TMEM131L: variants seen among roughly 807,000 people sequenced by gnomAD.
The protein encoded by TMEM131L is transmembrane 131 like, also known as transmembrane protein 131-like.
In TMEM131L, 54 loss-of-function variants were observed where a neutral mutation model predicts 192.2. The ratio of observed to expected loss-of-function variants is 0.28; its 90% CI spans 0.23 to 0.35. TMEM131L has a LOEUF of 0.35. TMEM131L is among the 10% of genes least tolerant of loss of function. The probability of loss-of-function intolerance (pLI) is 1.00; values close to 1 mark genes in which losing one functional copy is unlikely to be tolerated. For synonymous variants in TMEM131L, 701 were observed against 704.9 expected (o/e 0.99, Z 0.09); for missense variants, 1,888 against 1,972.9 (o/e 0.96, Z 0.82).
intron 25 of TMEM131L, among the ~76,000 whole-genome samples, chr4:153,609,291 G>C (rs1207831376): frequency 6.6e-6 from 1 of 152,156 alleles, no homozygotes; most frequent in African/African-American, 2.4e-5. Context: ...GGAAGAGAGA[G>C]TGAAGGGGGA....
chr4:153,577,970 C>T (rs1047247624), intron 7 of TMEM131L, among the ~76,000 whole-genome samples: 1 of 152,058 alleles, frequency 6.6e-6, no homozygotes, highest in South Asian at 2.1e-4. Context: ...CAACAAGCTC[C>T]CCTGGGAGAG....
intron 33 of TMEM131L, 84 bp downstream of exon 33, chr4:153,634,364 T>C: frequency 8.9e-7 from 1 of 1,117,558 alleles, no homozygotes. Flanking sequence ...AGAAGAATCC[T>C]TTTAACAGCG....
intron 3 of TMEM131L, among the ~76,000 whole-genome samples, chr4:153,478,995 A>T (rs1228566428): frequency 1.3e-5 from 2 of 152,218 alleles, no homozygotes; most frequent in African/African-American, 4.8e-5. Context: ...CTTGAGAAAT[A>T]ATTTGCCTGT....
At chr4:153,485,260 G>A (rs201312143) in intron 3 of TMEM131L, among the ~76,000 whole-genome samples, 25 of 151,244 alleles carry the variant, frequency 1.7e-4, no homozygotes, top group African/African-American at 4.1e-4. Flanking sequence ...AATTCATTGC[G>A]TTGCCTTCTC....
chr4:153,591,572 T>TCAACCG (rs1731068695), intron 17 of TMEM131L, among the ~76,000 whole-genome samples: 1 of 152,180 alleles, frequency 6.6e-6, no homozygotes, highest in Non-Finnish European at 1.5e-5. Flanking sequence ...CTGTCCATCC[T>TCAACCG]TAGCGTGTTG....
Position 153,468,800 on chromosome 4 carries a change from TCCCTGGGGAGCAAAACTG to T in TMEM131L, c.195+1526_195+1543del, listed in dbSNP as rs1730956998. Among the ~76,000 whole-genome samples, 9 of 152,032 alleles carry T rather than the reference TCCCTGGGGAGCAAAACTG, an allele frequency of 5.9e-5. No homozygotes were observed. The South Asian group carries it at 1.9e-3, about 32-fold the overall frequency. On this transcript the variant is annotated intron_variant, in intron 2 of 34. Coordinates refer to ENST00000409959, the MANE Select transcript of TMEM131L (RefSeq NM_001131007.2). ...AAATGTTTCCAGACATTGCTAGATG[TCCCTGGGGAGCAAAACTG>T]CCCTGGTTGAGAAGCACTGGTGTAT...
chr4:153,470,407 T>C (rs781291437), intron 2 of TMEM131L, among the ~76,000 whole-genome samples: 21 of 152,220 alleles, frequency 1.4e-4, no homozygotes, highest in African/African-American at 2.4e-5. Flanking sequence ...TCAGCACTAT[T>C]GTGTGCTCTA....
chr4:153,600,318 G>A (rs1578838078), intron 21 of TMEM131L, among the ~76,000 whole-genome samples: 3 of 151,066 alleles, frequency 2.0e-5, no homozygotes, highest in Non-Finnish European at 2.9e-5. Flanking sequence ...AGTGAGCTAC[G>A]ATCATGCCAC....
intron 3 of TMEM131L, among the ~76,000 whole-genome samples, chr4:153,518,212 C>G (rs778072160): frequency 1.3e-5 from 2 of 152,154 alleles, no homozygotes; most frequent in African/African-American, 2.4e-5. Flanking sequence ...TCCTTGGAAC[C>G]AAGCATGCTG....
chr4:153,590,429 C>T (rs34076653), intron 16 of TMEM131L, among the ~76,000 whole-genome samples: 40,609 of 152,070 alleles, frequency 0.27, 5,782 homozygotes, highest in Non-Finnish European at 0.33. Context: ...TGAGTTGAGT[C>T]GCTTGGTTTA....
chr4:153,624,123 T>G (rs1219339687), intron 29 of TMEM131L, among the ~76,000 whole-genome samples: 1 of 148,286 alleles, frequency 6.7e-6, no homozygotes, highest in Non-Finnish European at 1.5e-5. Context: ...TTTTTTTAAT[T>G]ATTTATTTTT....
At chr4:153,560,211 A>G (rs1042802488) in intron 7 of TMEM131L, among the ~76,000 whole-genome samples, 3 of 152,090 alleles carry the variant, frequency 2.0e-5, no homozygotes, top group African/African-American at 7.2e-5. Flanking sequence ...TTCATCACCC[A>G]TGGAATGGAA....
intron 7 of TMEM131L, among the ~76,000 whole-genome samples, chr4:153,566,260 C>T (rs1023498121): frequency 3.3e-5 from 5 of 151,914 alleles, no homozygotes; most frequent in African/African-American, 7.3e-5. Flanking sequence ...CTCAGCCTCC[C>T]GAGTAGCTGG....
At chr4:153,505,182 C>G (rs1733906122) in intron 3 of TMEM131L, among the ~76,000 whole-genome samples, 1 of 151,518 alleles carries the variant, frequency 6.6e-6, no homozygotes, top group Non-Finnish European at 1.5e-5. Flanking sequence ...TCTCGGCTCA[C>G]TGCAACCTCT....
intron 3 of TMEM131L, among the ~76,000 whole-genome samples, chr4:153,504,749 A>G (rs1294582143): frequency 2.0e-5 from 3 of 152,224 alleles, no homozygotes; most frequent in East Asian, 1.9e-4. Context: ...GCTTTCACAG[A>G]AAGACTTTTC....
chr4:153,572,360 C>T (rs1263372751), intron 7 of TMEM131L, among the ~76,000 whole-genome samples: 5 of 151,972 alleles, frequency 3.3e-5, no homozygotes, highest in South Asian at 2.1e-4. Context: ...GACAGAGTTT[C>T]GCTCTTGTTG....
intron 3 of TMEM131L, among the ~76,000 whole-genome samples, chr4:153,537,640 T>TG (rs1196561537): frequency 6.6e-6 from 1 of 152,244 alleles, no homozygotes; most frequent in Non-Finnish European, 1.5e-5. Context: ...ATCTTGGTTT[T>TG]GGTGGGTTTC....
chr4:153,630,965 T>A (rs1341259184), intron 31 of TMEM131L, among the ~76,000 whole-genome samples: 1 of 152,234 alleles, frequency 6.6e-6, no homozygotes, highest in Non-Finnish European at 1.5e-5. Flanking sequence ...GTGTCTTCAA[T>A]CTGCCCATCT....
intron 3 of TMEM131L, among the ~76,000 whole-genome samples, chr4:153,500,987 A>G (rs1733566291): frequency 6.6e-6 from 1 of 152,232 alleles, no homozygotes; most frequent in South Asian, 2.1e-4. Context: ...TAGAGTTAAA[A>G]AAAAATTCTG....
Sources: gnomAD v4.1 joint callset for allele counts (sites outside exome capture counted in the v4.1 genomes callset) on GRCh38, gnomAD v4.1.1 for gene constraint, MANE v1.5 for transcripts, NCBI Gene and HGNC (gene_info 2026-07-23, HGNC 2026-07-21) for gene names.